PRDM16: variants seen among roughly 807,000 people sequenced by gnomAD.
The protein encoded by PRDM16 is PR/SET domain 16.
In PRDM16, 23 loss-of-function variants were observed where a neutral mutation model predicts 110.6. That is an observed-to-expected ratio of 0.21 (90% confidence interval 0.15 to 0.29). The LOEUF is 0.29. PRDM16 is among the 10% of genes least tolerant of loss of function. PRDM16 has a pLI of 1.00. For missense variants in PRDM16, 1,615 were observed against 1,794.3 expected (o/e 0.90, Z 1.81); for synonymous variants, 799 against 781.8 (o/e 1.02, Z -0.37).
At chr1:3,111,904 A>G (rs1642805087) in intron 1 of PRDM16, among the ~76,000 whole-genome samples, 2 of 152,238 alleles carry the variant, frequency 1.3e-5, no homozygotes, top group South Asian at 4.1e-4. Flanking sequence ...GCTCCCCAGC[A>G]AGATAAATCA....
At chr1:3,277,003 T>A (rs1160311006) in intron 3 of PRDM16, among the ~76,000 whole-genome samples, 1 of 152,102 alleles carries the variant, frequency 6.6e-6, no homozygotes, top group African/African-American at 2.4e-5. Flanking sequence ...GTTTGATTGA[T>A]CATCTCGGTG....
In PRDM16 at chr1:3,083,526, G is replaced by A. The variant is rs570767133; in HGVS notation, c.37+14230G>A. Among the ~76,000 whole-genome samples the A allele has an allele frequency of 4.7e-5, 7 of 148,460 alleles. No individual in the cohort carries two copies. The East Asian group carries it at 8.3e-4, about 18-fold the overall frequency. ...TTCTTCATCATTTCTGTGAAGAGGC[G>A]AACCAAGGAATGTCACCAGCCTGCT... On this transcript the variant is annotated intron_variant, in intron 1 of 16. Transcript: ENST00000270722.
intron 1 of PRDM16, among the ~76,000 whole-genome samples, chr1:3,114,238 G>T (rs1173223718): frequency 8.2e-6 from 1 of 122,578 alleles, no homozygotes; most frequent in African/African-American, 3.2e-5. Context: ...CACACACGCA[G>T]TGTAAACATG....
At chr1:3,219,042 G>A (rs1365457260) in intron 2 of PRDM16, among the ~76,000 whole-genome samples, 1 of 152,208 alleles carries the variant, frequency 6.6e-6, no homozygotes, top group African/African-American at 2.4e-5. Flanking sequence ...GAGCTGCAGG[G>A]GAGAGGCGTG....
chr1:3,214,718 C>G (rs1462339947), intron 2 of PRDM16, among the ~76,000 whole-genome samples: 1 of 152,240 alleles, frequency 6.6e-6, no homozygotes, highest in Non-Finnish European at 1.5e-5. Context: ...TCCTCAGAGA[C>G]AGATTCTTCT....
intron 4 of PRDM16, among the ~76,000 whole-genome samples, chr1:3,385,685 C>T (rs1310174282): frequency 2.0e-5 from 3 of 152,242 alleles, no homozygotes; most frequent in Non-Finnish European, 2.9e-5. Context: ...ATCTAAATGG[C>T]GCTGTTTCAC....
intron 3 of PRDM16, among the ~76,000 whole-genome samples, chr1:3,366,906 G>A (rs1008683260): frequency 1.3e-5 from 2 of 152,226 alleles, no homozygotes; most frequent in Admixed American, 6.5e-5. Context: ...ATCCCGGGGA[G>A]TGAGGGGGCT....
intron 1 of PRDM16, among the ~76,000 whole-genome samples, chr1:3,176,298 C>CCATCCATCCACCCAT (rs1644088519): frequency 2.0e-4 from 28 of 139,700 alleles, no homozygotes; most frequent in Non-Finnish European, 3.5e-4. Context: ...ATCTATCCAT[C>CCATCCATCCACCCAT]TGTCCATACA....
intron 1 of PRDM16, among the ~76,000 whole-genome samples, chr1:3,172,395 G>C (rs544048321): frequency 2.0e-5 from 3 of 152,146 alleles, no homozygotes; most frequent in Admixed American, 1.3e-4. Flanking sequence ...CTGGGCAGTG[G>C]GGCTGCTGAC....
chr1:3,381,652 G>A (rs1391107745), intron 3 of PRDM16, among the ~76,000 whole-genome samples: 1 of 152,172 alleles, frequency 6.6e-6, no homozygotes, highest in South Asian at 2.1e-4. Context: ...CACTCTCAAA[G>A]TGCTGGGATT....
intron 3 of PRDM16, among the ~76,000 whole-genome samples, chr1:3,317,015 G>A (rs1291523408): frequency 6.6e-6 from 1 of 152,158 alleles, no homozygotes; most frequent in Non-Finnish European, 1.5e-5. Context: ...GGGTAGCCAG[G>A]AAGCAGTATC....
rs577622908 is a variant in PRDM16 at position 3,418,296 on chromosome 1, G to A, written c.2861+299G>A. ...TCAGTGACTAACCTCAGCGCTTGGA[G>A]GGATGGGAAGCCCAGTGCTACAGCC... On this transcript the variant is annotated intron_variant, in intron 11 of 16. Coordinates refer to ENST00000270722, the MANE Select transcript of PRDM16 (RefSeq NM_022114.4). Among the ~76,000 whole-genome samples, 6 of 152,334 alleles carry A rather than the reference G, an allele frequency of 3.9e-5. No individual in the cohort carries two copies. The South Asian group carries it at 1.2e-3, about 32-fold the overall frequency.
rs760240857 is a variant in PRDM16 at position 3,402,972 on chromosome 1, C to T, written c.858C>T (p.Cys286=). ...GSGQAHECKD[C]ERMFPNKYSL... ...GCCAAGCCCACGAGTGCAAGGACTG[C>T]GAGCGGATGTTCCCCAACAAGTACA... Residue 286 remains cysteine (C), a synonymous_variant, in exon 6 of 17, where the codon TGC becomes TGT. Coordinates refer to ENST00000270722, the MANE Select transcript of PRDM16 (RefSeq NM_022114.4). 5.6e-6 allele frequency: 9 copies of T among 1,611,856 alleles called. No individual in the cohort carries two copies. Among genetic ancestry groups the T allele is most frequent in the South Asian group, 2.2e-5 (2 of 91,056 alleles).
At chr1:3,216,532 G>A (rs144228543) in intron 2 of PRDM16, among the ~76,000 whole-genome samples, 1 of 152,312 alleles carries the variant, frequency 6.6e-6, no homozygotes, top group Non-Finnish European at 1.5e-5. Context: ...GATGCCCCCG[G>A]TGGCTGTCCC....
intron 3 of PRDM16, among the ~76,000 whole-genome samples, chr1:3,295,461 C>T (rs1451722737): frequency 6.6e-6 from 1 of 152,180 alleles, no homozygotes; most frequent in East Asian, 1.9e-4. Flanking sequence ...CCCCTACAGC[C>T]CAAACCTCCA....
At chr1:3,218,357 GCAGTAACC>G (rs1211632392) in intron 2 of PRDM16, among the ~76,000 whole-genome samples, 6 of 152,350 alleles carry the variant, frequency 3.9e-5, no homozygotes, top group Non-Finnish European at 1.5e-5. Flanking sequence ...AGGGGGGAGG[GCAGTAACC>G]CGTTAGGTGC....
intron 3 of PRDM16, among the ~76,000 whole-genome samples, chr1:3,328,820 C>A (rs1340789477): frequency 1.3e-5 from 2 of 152,148 alleles, no homozygotes; most frequent in Admixed American, 1.3e-4. Context: ...ATTGTCCGAC[C>A]CTCTGCGCCT....
chr1:3,088,844 A>G (rs1020072434), intron 1 of PRDM16, among the ~76,000 whole-genome samples: 7 of 150,126 alleles, frequency 4.7e-5, no homozygotes, highest in African/African-American at 1.5e-4. Context: ...CTGGAGTGCA[A>G]TGGCGCAATC....
At chr1:3,272,538 C>T (rs945227775) in intron 3 of PRDM16, among the ~76,000 whole-genome samples, 2 of 152,194 alleles carry the variant, frequency 1.3e-5, no homozygotes, top group Non-Finnish European at 2.9e-5. Context: ...AAACACCCGC[C>T]TCCTGGGGCT....
Sources: gnomAD v4.1 joint callset for allele counts (sites outside exome capture counted in the v4.1 genomes callset) on GRCh38, gnomAD v4.1.1 for gene constraint, MANE v1.5 for transcripts, NCBI Gene and HGNC (gene_info 2026-07-23, HGNC 2026-07-21) for gene names.